SERP1: variants seen among roughly 807,000 people sequenced by gnomAD.
The protein encoded by SERP1 is stress associated endoplasmic reticulum protein 1.
In SERP1, 6 loss-of-function variants were observed where a neutral mutation model predicts 8.8. That is an observed-to-expected ratio of 0.68 (90% CI 0.37 to 1.35). The LOEUF (loss-of-function observed/expected upper bound fraction) is 1.35, where lower values mean the gene tolerates loss of function less well. Among genes scored for constraint, SERP1 ranks in the 40% most tolerant of loss-of-function variants. The probability of loss-of-function intolerance (pLI) is 0.02; values close to 1 mark genes in which losing one functional copy is unlikely to be tolerated. For missense variants in SERP1, 52 were observed against 86.2 expected (o/e 0.60, Z 1.57); for synonymous variants, 36 against 28.7 (o/e 1.25, Z -0.81).
At position 150,545,798 on chromosome 3, in the gene SERP1, C is replaced by G; in HGVS notation, c.85-20G>C. On this transcript the variant is annotated intron_variant, in intron 1 of 2. Transcript: ENST00000239944. Reference sequence around the variant, plus strand: ...ATTTCTCTGCAAAAGCGAAAATCCACCATTTCAGATGCAGAGAAACCACTC... The same window carrying G: ...ATTTCTCTGCAAAAGCGAAAATCCAGCATTTCAGATGCAGAGAAACCACTC... 6.3e-7 allele frequency: 1 copy of G among 1,595,006 alleles called. No individual in the cohort carries two copies. The highest frequency in any genetic ancestry group is 1.1e-5 in the South Asian group (1 of 88,830).
At position 150,546,187 on chromosome 3, in the gene SERP1, C is replaced by G. The variant is rs1057365387; in HGVS notation, c.-52G>C. 1.9e-6 allele frequency: 3 copies of G among 1,589,700 alleles called. No individual in the cohort carries two copies. The African/African-American group carries it at 4.0e-5, about 21-fold the overall frequency. On this transcript the variant is annotated 5_prime_UTR_variant, in exon 1 of 3. Coordinates refer to ENST00000239944, the MANE Select transcript of SERP1 (RefSeq NM_014445.4). ...CCACCCCTCGGACTCGCTCACTCGC[C>G]TGCCTCCTCTGGAGCCGCTGCGAGG...
chr3:150,545,399 C>T (rs750458563), intron 2 of SERP1: 14 of 437,982 alleles, frequency 3.2e-5, no homozygotes, highest in Non-Finnish European at 4.8e-5. Flanking sequence ...ACAAAACATT[C>T]TAAATTCTCA....
chr3:150,546,081 T>C lies in SERP1; in HGVS notation c.55A>G (p.Thr19Ala). 1 of 1,613,802 alleles carries C rather than the reference T, an allele frequency of 6.2e-7. No homozygotes were observed. The highest frequency in any genetic ancestry group is 1.1e-5 in the South Asian group (1 of 91,088). The change falls in exon 1 of 3, where the codon ACC becomes GCC. Residue 19 changes from threonine (T) to alanine (A), a missense_variant. Coordinates refer to ENST00000239944, the MANE Select transcript of SERP1 (RefSeq NM_014445.4). ...MANEKHSKNI[T>A]QRGNVAKTSR... The stretch of plus-strand genomic sequence containing the variant: ...GTCTTGGCGACGTTGCCGCGCTGGG[T>C]GATGTTCTTGCTGTGCTTCTCGTTG...
chr3:150,544,360 A>G lies in SERP1; in HGVS notation c.*98T>C. 9.4e-7 allele frequency: 1 copy of G among 1,066,316 alleles called. No homozygotes were observed. The highest frequency in any genetic ancestry group is 1.5e-6 in the Non-Finnish European group (1 of 687,854). 66.1% of individuals were successfully genotyped at this position (1,066,316 alleles called of 1,614,324 possible). The stretch of plus-strand genomic sequence containing the variant: ...GATAGGAAAGTCATTCTGAGGCAGG[A>G]TGCTTTACTGAATTGTTTTCAACCA... On this transcript the variant is annotated 3_prime_UTR_variant, in exon 3 of 3. Transcript: ENST00000239944.
rs1722890593 is a variant in SERP1, at chr3:150,542,248, C to CA, written c.*2209dup. On this transcript the variant is annotated 3_prime_UTR_variant, in exon 3 of 3. Coordinates refer to ENST00000239944, the MANE Select transcript of SERP1 (RefSeq NM_014445.4). ...TAGATGATCTATAAAATTCAACTGG[C>CA]AAAGGGAGATCAAAGAATTGTGCTT... 1.3e-5 allele frequency: 2 copies of CA among 152,144 alleles called. No individual in the cohort carries two copies. The highest frequency in any genetic ancestry group is 1.3e-4 in the Admixed American group (2 of 15,268). 9.4% of individuals were successfully genotyped at this position (152,144 alleles called of 1,614,324 possible).
chr3:150,545,442 T>C, intron 2 of SERP1: 3 of 489,028 alleles, frequency 6.1e-6, no homozygotes, highest in Non-Finnish European at 1.1e-5. Context: ...TTAACATTTA[T>C]TCCAACTGGA....
Position 150,546,372 on chromosome 3 carries a change from G to T in SERP1, c.-237C>A. The stretch of plus-strand genomic sequence containing the variant: ...GCGGGGCAGGTGCGCAGGAGGAAGA[G>T]AACTGGCCGCCGGGTCGTTCTCGCG... On this transcript the variant is annotated 5_prime_UTR_variant, in exon 1 of 3. Coordinates refer to ENST00000239944, the MANE Select transcript of SERP1 (RefSeq NM_014445.4). The T allele has an allele frequency of 1.8e-6, 1 of 570,470 alleles. No individual in the cohort carries two copies. The highest frequency in any genetic ancestry group is 2.2e-5 in the South Asian group (1 of 45,490). 35.3% of individuals were successfully genotyped at this position (570,470 alleles called of 1,614,324 possible). A position where few individuals can be genotyped will look rare whatever the true frequency, so the allele number is the denominator to read the frequency against.
chr3:150,545,987 C>T (rs1354377651), intron 1 of SERP1, 65 bp downstream of exon 1: 14 of 1,592,472 alleles, frequency 8.8e-6, no homozygotes, highest in Non-Finnish European at 1.1e-5. Flanking sequence ...AAACGCGACG[C>T]GGCCCCAGGG....
At chr3:150,545,898 C>G (rs1397875204) in intron 1 of SERP1, 120 bp from the exon 2 acceptor site, 56 of 1,346,134 alleles carry the variant, frequency 4.2e-5, no homozygotes, top group South Asian at 1.5e-4. Flanking sequence ...CGTTCCCGAG[C>G]CCCCACAGTC....
At position 150,545,758 on chromosome 3, in the gene SERP1, C is replaced by T; in HGVS notation, c.105G>A (p.Lys35=). The change falls in exon 2 of 3, where the codon AAG becomes AAA. Residue 35 remains lysine (K), a synonymous_variant. Coordinates refer to ENST00000239944, the MANE Select transcript of SERP1 (RefSeq NM_014445.4). ...CCAATAACCAGGGTCCTACAGACGCCTTCTCTTCGGGGGCATTTCTCTGCA... is the reference window on the plus strand; with the variant it reads ...CCAATAACCAGGGTCCTACAGACGCTTTCTCTTCGGGGGCATTTCTCTGCA... The part of the protein sequence containing the change: ...AKTSRNAPEE[K]ASVGPWLLAL... 6.2e-7 allele frequency: 1 copy of T among 1,608,544 alleles called. No homozygotes were observed.
At position 150,545,713 on chromosome 3, in the gene SERP1, G is replaced by A; in HGVS notation, c.150C>T (p.Val50=). 1 of 1,607,518 alleles carries A rather than the reference G, an allele frequency of 6.2e-7. No homozygotes were observed. The highest frequency in any genetic ancestry group is 8.5e-7 in the Non-Finnish European group (1 of 1,176,360). The change falls in exon 2 of 3, where the codon GTC becomes GTT. Residue 50 remains valine, a synonymous_variant. Transcript: ENST00000239944. The stretch of plus-strand genomic sequence containing the variant: ...CCCCAAGCCACTTACCAGAACCACA[G>A]ACAACAAAAATGAAGAGAGCCAATA... The part of the protein sequence containing the change: ...PWLLALFIFV[V]CGSAIFQIIQ...
At position 150,545,751 on chromosome 3, in the gene SERP1, C is replaced by A. The variant is rs1416042897; in HGVS notation, c.112G>T (p.Val38Leu). The A allele has an allele frequency of 6.2e-7, 1 of 1,609,286 alleles. No homozygotes were observed. Among genetic ancestry groups the A allele is most frequent in the South Asian group, 1.1e-5 (1 of 90,286 alleles). ...SRNAPEEKAS[V>L]GPWLLALFIF... The stretch of plus-strand genomic sequence containing the variant: ...AAGAGAGCCAATAACCAGGGTCCTA[C>A]AGACGCCTTCTCTTCGGGGGCATTT... Residue 38 changes from valine (V) to leucine (L), a missense_variant, in exon 2 of 3, where the codon GTA becomes TTA. Val to Leu is a conservative substitution (Grantham distance 32). Transcript: ENST00000239944.
In SERP1 at chr3:150,543,387, C is replaced by T. The variant is rs931907096; in HGVS notation, c.*1071G>A. ...GGGAAGACTAAAGACTGATCATTATCAGTAAATCCATTCAATTCCAGATGC... is the reference window on the plus strand; with the variant it reads ...GGGAAGACTAAAGACTGATCATTATTAGTAAATCCATTCAATTCCAGATGC... On this transcript the variant is annotated 3_prime_UTR_variant, in exon 3 of 3. Coordinates refer to ENST00000239944, the MANE Select transcript of SERP1 (RefSeq NM_014445.4). 1 of 152,598 alleles carries T rather than the reference C, an allele frequency of 6.6e-6. No individual in the cohort carries two copies. The highest frequency in any genetic ancestry group is 2.4e-5 in the African/African-American group (1 of 41,442). 9.5% of individuals were successfully genotyped at this position (152,598 alleles called of 1,614,324 possible).
intron 1 of SERP1, 106 bp downstream of exon 1, chr3:150,545,946 C>A: frequency 6.8e-7 from 1 of 1,476,440 alleles, no homozygotes; most frequent in Non-Finnish European, 9.3e-7. Flanking sequence ...CCCTCCACGG[C>A]ACCAGCCCAC....
chr3:150,546,482 C>A lies in SERP1; in HGVS notation c.-347G>T. On this transcript the variant is annotated 5_prime_UTR_variant, in exon 1 of 3. Coordinates refer to ENST00000239944, the MANE Select transcript of SERP1 (RefSeq NM_014445.4). Reference sequence around the variant, plus strand: ...CAACGCAACAACGGGAATGTGCAGCCCGCCGCCTCGATCTACTTTGGGTTC... The same window carrying A: ...CAACGCAACAACGGGAATGTGCAGCACGCCGCCTCGATCTACTTTGGGTTC... The A allele has an allele frequency of 1.7e-6, 1 of 572,652 alleles. No homozygotes were observed. The highest frequency in any genetic ancestry group is 3.1e-6 in the Non-Finnish European group (1 of 322,464). 35.5% of individuals were successfully genotyped at this position (572,652 alleles called of 1,614,324 possible). A position where few individuals can be genotyped will look rare whatever the true frequency, so the allele number is the denominator to read the frequency against.
chr3:150,545,921 G>A, intron 1 of SERP1, 131 bp downstream of exon 1: 5 of 1,382,500 alleles, frequency 3.6e-6, no homozygotes, highest in Non-Finnish European at 5.0e-6. Flanking sequence ...GCGGTTCGCA[G>A]ACTCGGGCCC....
Position 150,546,292 on chromosome 3 carries a change from C to A in SERP1, c.-157G>T, listed in dbSNP as rs1401743304. On this transcript the variant is annotated 5_prime_UTR_variant, in exon 1 of 3. Coordinates refer to ENST00000239944, the MANE Select transcript of SERP1 (RefSeq NM_014445.4). ...AGCTACGGCCGCTGGGCCTGGGCGCCGCAAGCGCGAGGTCTGAGCACAAGC... is the reference window on the plus strand; with the variant it reads ...AGCTACGGCCGCTGGGCCTGGGCGCAGCAAGCGCGAGGTCTGAGCACAAGC... 2.5e-6 allele frequency: 2 copies of A among 799,538 alleles called. No homozygotes were observed. Among genetic ancestry groups the A allele is most frequent in the Non-Finnish European group, 3.8e-6 (2 of 521,412 alleles). 49.5% of individuals were successfully genotyped at this position (799,538 alleles called of 1,614,324 possible).
Position 150,545,770 on chromosome 3 carries a change from G to A in SERP1, c.93C>T (p.Ala31=), listed in dbSNP as rs746067419. The stretch of plus-strand genomic sequence containing the variant: ...GTCCTACAGACGCCTTCTCTTCGGG[G>A]GCATTTCTCTGCAAAAGCGAAAATC... The part of the protein sequence containing the change: ...RGNVAKTSRN[A]PEEKASVGPW... Residue 31 remains alanine (A), a synonymous_variant, in exon 2 of 3, where the codon GCC becomes GCT. Transcript: ENST00000239944. 2.5e-6 allele frequency: 4 copies of A among 1,606,422 alleles called. No homozygotes were observed. In the South Asian group the frequency reaches 3.3e-5, roughly 13 times the overall value.
At chr3:150,544,533 T>C (rs764536086) in intron 2 of SERP1, 35 bp from the exon 3 acceptor site, 1 of 1,526,206 alleles carries the variant, frequency 6.6e-7, no homozygotes, top group Non-Finnish European at 9.1e-7. Context: ...AAAATAAGCT[T>C]TGAATAAAAT....
Sources: allele counts gnomAD v4.1 joint callset, GRCh38; gene constraint gnomAD v4.1.1; transcripts MANE v1.5; gene names NCBI Gene and HGNC (gene_info 2026-07-23, HGNC 2026-07-21).